Variants in ITGAL observed in about 807,000 individuals in gnomAD.
ITGAL encodes integrin subunit alpha L.
Under a neutral mutation model 138.4 loss-of-function variants are expected in ITGAL, and 68 were observed. The ratio of observed to expected loss-of-function variants is 0.49; its 90% CI spans 0.40 to 0.60. The LOEUF is 0.60. Ranked by LOEUF, ITGAL falls within the 20% of genes least tolerant of loss-of-function variation. The probability of loss-of-function intolerance (pLI) is 0.00; values close to 1 mark genes in which losing one functional copy is unlikely to be tolerated. For missense variants in ITGAL, 1,256 were observed against 1,478.6 expected (o/e 0.85, Z 2.47); for synonymous variants, 561 against 584.3 (o/e 0.96, Z 0.57).
chr16:30,478,615 G>A (rs1359022123), intron 4 of ITGAL, among the ~76,000 whole-genome samples: 4 of 149,222 alleles, frequency 2.7e-5, no homozygotes, highest in East Asian at 2.0e-4. Flanking sequence ...GGAGAATGGC[G>A]TGAACCCGGG....
chr16:30,488,995 A>T, intron 9 of ITGAL, 87 bp from the exon 10 acceptor site: 10 of 1,041,206 alleles, frequency 9.6e-6, no homozygotes, highest in South Asian at 1.3e-5. Context: ...AGAAGTAAAT[A>T]CCTCACTTCT....
Position 30,499,546 on chromosome 16 carries a change from T to C in ITGAL, c.2145+57T>C, listed in dbSNP as rs1443667687. The C allele has an allele frequency of 1.3e-5, 20 of 1,555,618 alleles. No individual in the cohort carries two copies. The East Asian group carries it at 4.3e-4, about 33-fold the overall frequency. On this transcript the variant is annotated intron_variant, in intron 17 of 30. Coordinates refer to ENST00000356798, the MANE Select transcript of ITGAL (RefSeq NM_002209.3). ...AGCTACCTGCAGGGGCAGGCTCAGC[T>C]CCGTCACTGTCCAGTGGGTGACACG...
At chr16:30,514,976 C>G (rs983319681) in intron 25 of ITGAL, among the ~76,000 whole-genome samples, 5 of 151,796 alleles carry the variant, frequency 3.3e-5, no homozygotes, top group East Asian at 1.9e-4. Flanking sequence ...AGGCGCCCAC[C>G]ACCACGCCAG....
chr16:30,472,893 T>C lies in ITGAL; in HGVS notation c.56T>C (p.Phe19Ser), dbSNP rs2050414488. 1 of 1,612,846 alleles carries C rather than the reference T, an allele frequency of 6.2e-7. No individual in the cohort carries two copies. Among genetic ancestry groups the C allele is most frequent in the African/African-American group, 1.3e-5 (1 of 74,898 alleles). The stretch of plus-strand genomic sequence containing the variant: ...ATGGCGCTGCTGTCTGGGTTCTTTT[T>C]CTTCGGTAGGCAAGGGAGGAGGCAG... ...MAMALLSGFF[F>S]FAPASSYNLD... is the part of the protein sequence containing the mutation. Residue 19 changes from phenylalanine (F) to serine (S), a missense_variant, in exon 1 of 31, where the codon TTC becomes TCC. By Grantham distance (155) the Phe-to-Ser change is radical. Transcript: ENST00000356798.
Position 30,517,915 on chromosome 16 carries a change from G to C in ITGAL, c.3132+20G>C, listed in dbSNP as rs774913410. The stretch of plus-strand genomic sequence containing the variant: ...ATCGAGGTAGTCCCCGCTCCTAAGA[G>C]ATGTGGAGCTGCTGTGGGGGCCCCA... On this transcript the variant is annotated intron_variant, in intron 28 of 30. Coordinates refer to ENST00000356798, the MANE Select transcript of ITGAL (RefSeq NM_002209.3). The C allele has an allele frequency of 1.2e-6, 2 of 1,608,782 alleles. No homozygotes were observed. The highest frequency in any genetic ancestry group is 1.7e-6 in the Non-Finnish European group (2 of 1,176,038).
At chr16:30,519,673 T>C in intron 29 of ITGAL, 184 bp from the exon 30 acceptor site, 1 of 611,064 alleles carries the variant, frequency 1.6e-6, no homozygotes, top group South Asian at 1.9e-5. Context: ...GCCTAAGGTG[T>C]GTGTTGGCCA....
intron 9 of ITGAL, among the ~76,000 whole-genome samples, chr16:30,487,373 G>A (rs1192208772): frequency 6.6e-6 from 1 of 151,944 alleles, no homozygotes; most frequent in Non-Finnish European, 1.5e-5. Flanking sequence ...GATTACAGGC[G>A]TGAGCCACTG....
Position 30,494,273 on chromosome 16 carries a change from T to A in ITGAL, c.1275T>A (p.Pro425=). The change falls in exon 12 of 31, where the codon CCT becomes CCA. Residue 425 remains proline (P), a synonymous_variant. Coordinates refer to ENST00000356798, the MANE Select transcript of ITGAL (RefSeq NM_002209.3). The surrounding 1 kb of genome is among the most constrained non-coding windows in gnomAD (Gnocchi z 4.2). ...QKTSLLASGA[P]RYQHMGRVLL... The stretch of plus-strand genomic sequence containing the variant: ...CTTCGTTGCTGGCCTCGGGAGCCCC[T>A]CGATACCAGCACATGGGCCGAGTGC... The A allele has an allele frequency of 6.2e-7, 1 of 1,613,292 alleles. No homozygotes were observed. The highest frequency in any genetic ancestry group is 8.5e-7 in the Non-Finnish European group (1 of 1,179,484).
At chr16:30,513,971 TC>T in intron 25 of ITGAL, 125 bp downstream of exon 25, 3 of 730,480 alleles carry the variant, frequency 4.1e-6, no homozygotes, top group Middle Eastern at 2.4e-4. Context: ...AATAATCCTT[TC>T]TCTAGAGTGT....
At position 30,521,572 on chromosome 16, in the gene ITGAL, T is replaced by G. The variant is rs890663335; in HGVS notation, c.3420T>G (p.Ser1140=). 6.2e-7 allele frequency: 1 copy of G among 1,614,084 alleles called. No homozygotes were observed. Among genetic ancestry groups the G allele is most frequent in the East Asian group, 2.2e-5 (1 of 44,902 alleles). Reference sequence around the variant, plus strand: ...CGAATGGAATCCCTGCAGAAGACTCTGAGCAGCTGGCATCTGGGCAAGAGG... The same window carrying G: ...CGAATGGAATCCCTGCAGAAGACTCGGAGCAGCTGGCATCTGGGCAAGAGG... ...GVPNGIPAED[S]EQLASGQEAG... is the part of the protein sequence containing the mutation. The change falls in exon 31 of 31, where the codon TCT becomes TCG. Residue 1140 remains serine (S), a synonymous_variant. Transcript: ENST00000356798.
intron 9 of ITGAL, among the ~76,000 whole-genome samples, chr16:30,485,447 G>A (rs762990111): frequency 4.6e-5 from 7 of 152,000 alleles, no homozygotes; most frequent in Non-Finnish European, 8.8e-5. Context: ...GGATGATCTC[G>A]ATCTGACCTC....
Position 30,499,733 on chromosome 16 carries a change from A to ATACGTATATATATATATATATATATTTTT in ITGAL, c.2145+245_2145+246insACGTATATATATATATATATATATTTTTT. Among the ~76,000 whole-genome samples the ATACGTATATATATATATATATATATTTTT allele has an allele frequency of 2.2e-3, 195 of 88,300 alleles. 1 individual carries two copies. The highest frequency in any genetic ancestry group is 0.01 in the African/African-American group (171 of 16,694). 57.9% of individuals were successfully genotyped at this position (88,300 alleles called of 152,430 possible). On this transcript the variant is annotated intron_variant, in intron 17 of 30. Coordinates refer to ENST00000356798, the MANE Select transcript of ITGAL (RefSeq NM_002209.3). ...TATATGTATATATATATATATATAT[A>ATACGTATATATATATATATATATATTTTT]TTTTTTTTTTTTTGACACAGAGTCT... is the stretch of plus-strand genomic sequence containing the variant.
intron 17 of ITGAL, among the ~76,000 whole-genome samples, chr16:30,501,917 C>G (rs2050905234): frequency 6.6e-6 from 1 of 151,944 alleles, no homozygotes; most frequent in African/African-American, 2.4e-5. Context: ...CCTGTAGTCC[C>G]AGCTACCTGG....
rs2051254461 is a variant in ITGAL at position 30,521,561 on chromosome 16, G to A, written c.3409G>A (p.Ala1137Thr). 4 of 1,614,104 alleles carry A rather than the reference G, an allele frequency of 2.5e-6. No homozygotes were observed. The African/African-American group carries it at 5.3e-5, about 22-fold the overall frequency. ...CAGAGGTGTCCCGAATGGAATCCCT[G>A]CAGAAGACTCTGAGCAGCTGGCATC... Reference protein sequence around the residue: ...AGRGVPNGIPAEDSEQLASGQ... With the variant: ...AGRGVPNGIPTEDSEQLASGQ... Residue 1137 changes from alanine to threonine, a missense_variant, in exon 31 of 31, where the codon GCA becomes ACA. Coordinates refer to ENST00000356798, the MANE Select transcript of ITGAL (RefSeq NM_002209.3).
rs1411681192 is a variant in ITGAL, at chr16:30,504,235, G to A, written c.2206G>A (p.Glu736Lys). 20 of 1,613,556 alleles carry A rather than the reference G, an allele frequency of 1.2e-5. No individual in the cohort carries two copies. Among genetic ancestry groups the A allele is most frequent in the East Asian group, 2.2e-5 (1 of 44,890 alleles). Residue 736 changes from glutamate (E) to lysine (K), a missense_variant, in exon 18 of 31, where the codon GAG (glutamate) becomes AAG (lysine). This residue lies in a region of ITGAL where 867 missense variants were observed against 972.5 expected (regional missense o/e 0.89). Transcript: ENST00000356798. ...TTCCCTGAATTTCTCTCTTTGGGAGGAGGAAGGGACACCGAGGGACCAAAG... is the reference window on the plus strand; with the variant it reads ...TTCCCTGAATTTCTCTCTTTGGGAGAAGGAAGGGACACCGAGGGACCAAAG... ...NVSLNFSLWE[E>K]EGTPRDQRAQ...
rs2051264956 is a variant in ITGAL, at chr16:30,522,285, G to C, written c.*620G>C. 2 of 152,524 alleles carry C rather than the reference G, an allele frequency of 1.3e-5. No homozygotes were observed. The highest frequency in any genetic ancestry group is 2.4e-5 in the African/African-American group (1 of 41,422). The allele number at this position is 152,524 out of a possible 1,614,324, so 9.4% of individuals were successfully genotyped here. A position where few individuals can be genotyped will look rare whatever the true frequency, so the allele number is the denominator to read the frequency against. On this transcript the variant is annotated 3_prime_UTR_variant, in exon 31 of 31. Transcript: ENST00000356798. The surrounding 1 kb of genome is among the most constrained non-coding windows in gnomAD (Gnocchi z 4.0). ...GACACCAGCCTTTCTCCCAGGCCAG[G>C]CTCCTTCCTGTCTTCCTGCATTCAC...
At position 30,517,994 on chromosome 16, in the gene ITGAL, G is replaced by C. The variant is rs35489670; in HGVS notation, c.3132+99G>C. On this transcript the variant is annotated intron_variant, in intron 28 of 30. Transcript: ENST00000356798. ...CACCAGATAGTCTGCCTCCATTTTT[G>C]TTTTCCATCTTGATGAAAAATCCCA... 8.9e-3 allele frequency: 8,127 copies of C among 914,952 alleles called. 437 individuals are homozygous for C. The African/African-American group carries it at 0.12, about 13-fold the overall frequency. 56.7% of individuals were successfully genotyped at this position (914,952 alleles called of 1,614,324 possible).
intron 20 of ITGAL, among the ~76,000 whole-genome samples, chr16:30,506,251 TTC>T (rs2050992700): frequency 8.9e-6 from 1 of 112,900 alleles, no homozygotes; most frequent in African/African-American, 4.0e-5. Context: ...CAGAGTGAGA[TTC>T]TGTCTCAATA....
chr16:30,520,077 G>A (rs998046522), intron 30 of ITGAL, 110 bp downstream of exon 30: 7 of 779,826 alleles, frequency 9.0e-6, no homozygotes, highest in African/African-American at 1.7e-5. Context: ...AGAGCCAGGG[G>A]GCCTCAGAGC....
Sources: gnomAD v4.1 joint callset for allele counts (sites outside exome capture counted in the v4.1 genomes callset) on GRCh38, gnomAD v4.1.1 for gene constraint, gnomAD v4.1.1 regional missense constraint, Gnocchi (gnomAD v3.1) non-coding constraint, MANE v1.5 for transcripts, NCBI Gene and HGNC (gene_info 2026-07-23, HGNC 2026-07-21) for gene names.